KCNQ1: variants seen among roughly 807,000 people sequenced by gnomAD.
KCNQ1 encodes potassium voltage-gated channel subfamily Q member 1.
KCNQ1 carries 49 observed loss-of-function variants against 72.4 expected under a neutral mutation model. That is an observed-to-expected ratio of 0.68 (90% CI 0.54 to 0.86). The LOEUF (loss-of-function observed/expected upper bound fraction) is 0.86, where lower values mean the gene tolerates loss of function less well. Ranked by LOEUF, KCNQ1 falls within the 40% of genes least tolerant of loss-of-function variation. KCNQ1 has a pLI of 0.00. For synonymous variants in KCNQ1, 450 were observed against 412.6 expected (o/e 1.09, Z -1.10); for missense variants, 790 against 945.1 (o/e 0.84, Z 2.15).
chr11:2,479,547 G>A lies in KCNQ1; in HGVS notation c.386+34063G>A, dbSNP rs544379770. On this transcript the variant is annotated intron_variant, in intron 1 of 15. Transcript: ENST00000155840. The surrounding 1 kb of genome is among the most constrained non-coding windows in gnomAD (Gnocchi z 4.6). The stretch of plus-strand genomic sequence containing the variant: ...GACACCTTTTAGCTATGGCTAGAGC[G>A]GCTGGGACACAGGGCACCAAGTCCC... Among the ~76,000 whole-genome samples, 13 of 152,296 alleles carry A rather than the reference G, an allele frequency of 8.5e-5. No homozygotes were observed. Among genetic ancestry groups the A allele is most frequent in the East Asian group, 1.9e-4 (1 of 5,178 alleles).
Position 2,484,781 on chromosome 11 carries a change from AC to A in KCNQ1, c.386+39302del, listed in dbSNP as rs1846709027. Among the ~76,000 whole-genome samples the A allele has an allele frequency of 6.6e-6, 1 of 151,666 alleles. No homozygotes were observed. Among genetic ancestry groups the A allele is most frequent in the African/African-American group, 2.4e-5 (1 of 41,248 alleles). ...CGGAGCTGGGGAATATGTGTATGGC[AC>A]CCCCACGTCTACGCTTCTGTGTTCA... is the stretch of plus-strand genomic sequence containing the variant. On this transcript the variant is annotated intron_variant, in intron 1 of 15. Transcript: ENST00000155840. This position sits in a 1 kb window ranked among gnomAD's most constrained non-coding sequence, Gnocchi z 5.2.
At chr11:2,619,842 A>C (rs1849135039) in intron 10 of KCNQ1, 1 of 396,864 alleles carries the variant, frequency 2.5e-6, no homozygotes, top group Admixed American at 4.4e-5. Flanking sequence ...TCTTTGTTTG[A>C]GGTTTTGGGG....
At chr11:2,666,747 A>G (rs1850077600) in intron 11 of KCNQ1, 1 of 398,806 alleles carries the variant, frequency 2.5e-6, no homozygotes, top group East Asian at 3.6e-5. Context: ...GGTACCAGGC[A>G]CTGCAGCTCT....
chr11:2,590,440 T>C (rs1848656107), intron 10 of KCNQ1, among the ~76,000 whole-genome samples: 1 of 152,218 alleles, frequency 6.6e-6, no homozygotes, highest in East Asian at 1.9e-4. Flanking sequence ...GGCACCTGTT[T>C]TGAAAACACT....
At chr11:2,456,772 A>C (rs1330596615) in intron 1 of KCNQ1, among the ~76,000 whole-genome samples, 22 of 107,020 alleles carry the variant, frequency 2.1e-4, no homozygotes, top group Non-Finnish European at 2.7e-4. Context: ...ATCCAAAAAA[A>C]AAAAAAAAAA....
At chr11:2,797,346 G>T (rs555858191) in intron 15 of KCNQ1, among the ~76,000 whole-genome samples, 1 of 152,198 alleles carries the variant, frequency 6.6e-6, no homozygotes, top group Non-Finnish European at 1.5e-5. Flanking sequence ...CATGCTGTGC[G>T]TCCCCCACTG....
At chr11:2,571,946 C>G (rs1053824025) in intron 4 of KCNQ1, 67 bp from the exon 5 acceptor site, 2 of 1,385,252 alleles carry the variant, frequency 1.4e-6, no homozygotes, top group African/African-American at 2.8e-5. Flanking sequence ...CATCGGCCAG[C>G]CCTAGGCCCG....
chr11:2,617,558 A>C lies in KCNQ1; in HGVS notation c.1393+28704A>C. ...GATATCTTTATGAGGTGGAGATTTC[A>C]TTTTCTTTGGGAATATACCTAGAAG... is the stretch of plus-strand genomic sequence containing the variant. On this transcript the variant is annotated intron_variant, in intron 10 of 15. Coordinates refer to ENST00000155840, the MANE Select transcript of KCNQ1 (RefSeq NM_000218.3). This position sits in a 1 kb window ranked among gnomAD's most constrained non-coding sequence, Gnocchi z 4.6. 1 of 398,436 alleles carries C rather than the reference A, an allele frequency of 2.5e-6. No homozygotes were observed. Among genetic ancestry groups the C allele is most frequent in the Non-Finnish European group, 4.4e-6 (1 of 225,954 alleles). The allele number at this position is 398,436 out of a possible 1,614,324, so 24.7% of individuals were successfully genotyped here.
Position 2,541,413 on chromosome 11 carries a change from T to A in KCNQ1, c.477+13395T>A, listed in dbSNP as rs1847820558. On this transcript the variant is annotated intron_variant, in intron 2 of 15. Transcript: ENST00000155840. The surrounding 1 kb of genome is among the most constrained non-coding windows in gnomAD (Gnocchi z 4.8). ...TAGCGGGGCCTGTGTCTCTTCTCAC[T>A]GACCGTTTTCTGAAACTGGCTGGGG... Among the ~76,000 whole-genome samples the A allele has an allele frequency of 6.6e-6, 1 of 152,188 alleles. No homozygotes were observed. The highest frequency in any genetic ancestry group is 1.5e-5 in the Non-Finnish European group (1 of 68,046).
chr11:2,716,611 C>T (rs1851096515), intron 11 of KCNQ1, among the ~76,000 whole-genome samples: 1 of 152,220 alleles, frequency 6.6e-6, no homozygotes, highest in Admixed American at 6.5e-5. Flanking sequence ...TGGTGGAATT[C>T]CATTCCCTGC....
chr11:2,663,274 G>T lies in KCNQ1; in HGVS notation c.1514+1193G>T. On this transcript the variant is annotated intron_variant, in intron 11 of 15. Transcript: ENST00000155840. The surrounding 1 kb of genome is among the most constrained non-coding windows in gnomAD (Gnocchi z 5.2). ...GGGTGACTAGTCATGGACACCCTGA[G>T]AATAGGGCTCTGAGCTTCTGGGCCC... is the stretch of plus-strand genomic sequence containing the variant. 1 of 398,718 alleles carries T rather than the reference G, an allele frequency of 2.5e-6. No individual in the cohort carries two copies. The highest frequency in any genetic ancestry group is 4.4e-6 in the Non-Finnish European group (1 of 226,164). The allele number at this position is 398,718 out of a possible 1,614,324, so 24.7% of individuals were successfully genotyped here. A position where few individuals can be genotyped will look rare whatever the true frequency, so the allele number is the denominator to read the frequency against.
At chr11:2,535,620 C>T (rs962813499) in intron 2 of KCNQ1, among the ~76,000 whole-genome samples, 1 of 152,190 alleles carries the variant, frequency 6.6e-6, no homozygotes, top group Non-Finnish European at 1.5e-5. Context: ...CCACTCACTG[C>T]CTTTCAGAGC....
chr11:2,570,602 G>C, intron 2 of KCNQ1, 26 bp from the exon 3 acceptor site: 7 of 1,610,804 alleles, frequency 4.3e-6, no homozygotes, highest in Non-Finnish European at 5.9e-6. Context: ...CCTGCCTGCA[G>C]TGAGCGTCCC....
intron 15 of KCNQ1, 80 bp from the exon 16 acceptor site, chr11:2,847,687 C>A: frequency 7.3e-7 from 1 of 1,369,946 alleles, no homozygotes; most frequent in Non-Finnish European, 1.0e-6. Context: ...CTTCTCTGGC[C>A]CCAAACCTGG....
rs1846224478 is a variant in KCNQ1 at position 2,458,275 on chromosome 11, TGA to T, written c.386+12793_386+12794del. Among the ~76,000 whole-genome samples, 8 of 152,204 alleles carry T rather than the reference TGA, an allele frequency of 5.3e-5. No homozygotes were observed. Among genetic ancestry groups the T allele is most frequent in the Admixed American group, 5.2e-4 (8 of 15,280 alleles). On this transcript the variant is annotated intron_variant, in intron 1 of 15. Coordinates refer to ENST00000155840, the MANE Select transcript of KCNQ1 (RefSeq NM_000218.3). The surrounding 1 kb of genome is among the most constrained non-coding windows in gnomAD (Gnocchi z 4.6). ...TCAGATCCCAAGTTCATCCTGATAC[TGA>T]GGGGCAAAACCAGTGGACTTTGATT...
At chr11:2,798,835 G>A (rs1204944439) in intron 15 of KCNQ1, among the ~76,000 whole-genome samples, 3 of 152,192 alleles carry the variant, frequency 2.0e-5, no homozygotes, top group Non-Finnish European at 2.9e-5. Context: ...TCTCGCCTCT[G>A]TGGCTCAGGG....
chr11:2,485,732 C>T (rs7106063), intron 1 of KCNQ1, among the ~76,000 whole-genome samples: 17,184 of 152,046 alleles, frequency 0.11, 1,315 homozygotes, highest in East Asian at 0.24. Flanking sequence ...ATTTACCTTT[C>T]GTCCCTATGG....
intron 10 of KCNQ1, chr11:2,625,367 C>T (rs1467339942): frequency 3.0e-5 from 12 of 398,518 alleles, no homozygotes; most frequent in African/African-American, 1.4e-4. Flanking sequence ...GCTATCCTCC[C>T]ACCTTAACCT....
At chr11:2,461,543 T>G in intron 1 of KCNQ1, 1 of 1,348,936 alleles carries the variant, frequency 7.4e-7, no homozygotes, top group Non-Finnish European at 9.8e-7. Flanking sequence ...AGGATGGCAC[T>G]GGTGCCGGGC....
Sources: allele counts gnomAD v4.1 joint callset (sites outside exome capture counted in the v4.1 genomes callset), GRCh38; gene constraint gnomAD v4.1.1; non-coding constraint Gnocchi (gnomAD v3.1); transcripts MANE v1.5; gene names NCBI Gene and HGNC (gene_info 2026-07-23, HGNC 2026-07-21).